EMCN: variants seen among roughly 807,000 people sequenced by gnomAD.
EMCN encodes MUC-14.
Under a neutral mutation model 38.4 loss-of-function variants are expected in EMCN, and 37 were observed. That is an observed-to-expected ratio of 0.96 (90% CI 0.74 to 1.27). EMCN has a LOEUF of 1.27. Among genes scored for constraint, EMCN ranks in the 50% most tolerant of loss-of-function variants. The pLI is 0.00. For synonymous variants in EMCN, 95 were observed against 100.8 expected (o/e 0.94, Z 0.35); for missense variants, 318 against 302.8 (o/e 1.05, Z -0.37).
chr4:100,475,502 CT>C (rs111621297), intron 2 of EMCN, among the ~76,000 whole-genome samples: 23 of 145,916 alleles, frequency 1.6e-4, no homozygotes, highest in Admixed American at 1.1e-3. Context: ...AGTATCATGC[CT>C]TTTTTTTTTC....
chr4:100,429,659 C>A (rs543545115), intron 5 of EMCN, among the ~76,000 whole-genome samples: 3 of 152,046 alleles, frequency 2.0e-5, no homozygotes, highest in African/African-American at 7.2e-5. Context: ...TGGAGATTAA[C>A]GTACTTTAAT....
chr4:100,493,007 G>T (rs939462478), intron 1 of EMCN, among the ~76,000 whole-genome samples: 4 of 152,068 alleles, frequency 2.6e-5, no homozygotes, highest in Non-Finnish European at 5.9e-5. Context: ...CATATAAAAA[G>T]TTAAGAAGTA....
chr4:100,481,700 T>G (rs1375320652), intron 1 of EMCN, among the ~76,000 whole-genome samples: 1 of 152,076 alleles, frequency 6.6e-6, no homozygotes, highest in Non-Finnish European at 1.5e-5. Flanking sequence ...TTAAATTTCA[T>G]ATTGAGGTTG....
intron 9 of EMCN, 142 bp downstream of exon 9, chr4:100,416,975 A>C: frequency 2.7e-6 from 2 of 749,164 alleles, no homozygotes; most frequent in Non-Finnish European, 4.5e-6. Context: ...TGTTAAATGG[A>C]GAGAGCTCTG....
chr4:100,447,154 T>G (rs1185666001), intron 5 of EMCN, among the ~76,000 whole-genome samples: 4 of 152,228 alleles, frequency 2.6e-5, no homozygotes, highest in African/African-American at 9.6e-5. Context: ...TAAGGTCATC[T>G]TTTTGGATAC....
intron 11 of EMCN, among the ~76,000 whole-genome samples, chr4:100,407,459 T>C (rs1306776322): frequency 6.6e-6 from 1 of 152,200 alleles, no homozygotes; most frequent in Non-Finnish European, 1.5e-5. Context: ...AAAAGGATTT[T>C]ATTTCTCCTT....
chr4:100,436,953 A>C (rs1239319303), intron 5 of EMCN, among the ~76,000 whole-genome samples: 1 of 152,182 alleles, frequency 6.6e-6, no homozygotes, highest in Non-Finnish European at 1.5e-5. Context: ...TGCTCTATGC[A>C]GCAAACCATC....
chr4:100,500,847 T>G (rs1038007888), intron 1 of EMCN, among the ~76,000 whole-genome samples: 2 of 152,116 alleles, frequency 1.3e-5, no homozygotes, highest in African/African-American at 4.8e-5. Context: ...TAAAAACATA[T>G]TTTTATTTCT....
chr4:100,416,870 A>C (rs3733436), intron 9 of EMCN, among the ~76,000 whole-genome samples: 26,390 of 152,076 alleles, frequency 0.17, 3,828 homozygotes, highest in East Asian at 0.77. Flanking sequence ...ATTTTCCCTC[A>C]TAATTATATT....
intron 2 of EMCN, among the ~76,000 whole-genome samples, chr4:100,478,445 G>T (rs1728718169): frequency 6.6e-6 from 1 of 152,140 alleles, no homozygotes. Flanking sequence ...GTAGCTTTGT[G>T]ATTGTCTATA....
intron 7 of EMCN, among the ~76,000 whole-genome samples, 174 bp downstream of exon 7, chr4:100,422,847 A>T (rs1406775629): frequency 5.3e-5 from 6 of 113,904 alleles, no homozygotes; most frequent in South Asian, 2.7e-4. Context: ...TGTCATTAAG[A>T]CTCACTTGTG....
At chr4:100,417,084 G>A (rs1726757007) in intron 9 of EMCN, 33 bp downstream of exon 9, 1 of 1,606,000 alleles carries the variant, frequency 6.2e-7, no homozygotes, top group African/African-American at 1.3e-5. Context: ...TAAATGGTAG[G>A]GTCTAAACAA....
intron 3 of EMCN, among the ~76,000 whole-genome samples, chr4:100,472,681 A>AT (rs1728508986): frequency 6.6e-6 from 1 of 152,124 alleles, no homozygotes; most frequent in African/African-American, 2.4e-5. Flanking sequence ...ACAATCTTGG[A>AT]TAAAAAAGAA....
intron 3 of EMCN, among the ~76,000 whole-genome samples, chr4:100,471,141 GA>G (rs757532599): frequency 2.0e-5 from 3 of 150,788 alleles, no homozygotes; most frequent in Admixed American, 6.6e-5. Context: ...ACACAACACA[GA>G]AAAAAAACAC....
intron 5 of EMCN, among the ~76,000 whole-genome samples, chr4:100,431,102 A>G (rs1018429108): frequency 6.6e-6 from 1 of 152,150 alleles, no homozygotes. Flanking sequence ...GACAGGATGG[A>G]GCATCCTCTT....
At position 100,458,079 on chromosome 4, in the gene EMCN, GCA is replaced by G. The variant is rs202184780; in HGVS notation, c.376+7342_376+7343del. ...TGCAGTGAGCCGAGATTGTGCCACT[GCA>G]CTCCAGCCTGGGCAACAGGGCAAGA... On this transcript the variant is annotated intron_variant, in intron 4 of 11. Coordinates refer to ENST00000296420, the MANE Select transcript of EMCN (RefSeq NM_016242.4). 3.4e-3 allele frequency among the ~76,000 whole-genome samples: 515 copies of G among 151,966 alleles called. 5 individuals are homozygous for G. Among genetic ancestry groups the G allele is most frequent in the African/African-American group, 0.012 (485 of 41,414 alleles).
At chr4:100,418,064 A>T (rs999819617) in intron 8 of EMCN, among the ~76,000 whole-genome samples, 18 of 52,988 alleles carry the variant, frequency 3.4e-4, no homozygotes, top group Admixed American at 1.1e-3. Flanking sequence ...TATTTCTGTC[A>T]TCTTGGTTAA....
chr4:100,507,006 A>G (rs886559218), intron 1 of EMCN, among the ~76,000 whole-genome samples: 2 of 152,322 alleles, frequency 1.3e-5, no homozygotes, highest in Admixed American at 1.3e-4. Context: ...TCTGGGAACC[A>G]GAAATATTTG....
rs771448040 is a variant in EMCN at position 100,415,935 on chromosome 4, C to T, written c.714G>A (p.Val238=). The change falls in exon 10 of 12, where the codon GTG becomes GTA. Residue 238 remains valine, a synonymous_variant. Transcript: ENST00000296420. ...AAATTGTCTTAACGGTAAGAAGCTTCACGCTCTCTTTATCAGACTGAGGTC... is the reference window on the plus strand; with the variant it reads ...AAATTGTCTTAACGGTAAGAAGCTTTACGCTCTCTTTATCAGACTGAGGTC... ...NDQPQSDKES[V]KLLTVKTISH... 2 of 1,590,738 alleles carry T rather than the reference C, an allele frequency of 1.3e-6. No homozygotes were observed. The highest frequency in any genetic ancestry group is 2.3e-5 in the South Asian group (2 of 85,922).
Sources: allele counts gnomAD v4.1 joint callset (sites outside exome capture counted in the v4.1 genomes callset), GRCh38; gene constraint gnomAD v4.1.1; transcripts MANE v1.5; gene names NCBI Gene and HGNC (gene_info 2026-07-23, HGNC 2026-07-21).